BEGAIN: variants seen among roughly 807,000 people sequenced by gnomAD.
BEGAIN encodes the protein brain enriched guanylate kinase associated.
BEGAIN carries 19 observed loss-of-function variants against 35.8 expected under a neutral mutation model. The observed-to-expected ratio is 0.53, with a 90% CI of 0.37 to 0.78. The LOEUF is 0.78. Among genes scored for constraint, BEGAIN ranks in the 30% least tolerant of loss-of-function variants. The probability of loss-of-function intolerance (pLI) is 0.00; values close to 1 mark genes in which losing one functional copy is unlikely to be tolerated. For missense variants in BEGAIN, 795 were observed against 853.6 expected (o/e 0.93, Z 0.85); for synonymous variants, 462 against 388.6 (o/e 1.19, Z -2.22).
intron 1 of BEGAIN, among the ~76,000 whole-genome samples, chr14:100,574,363 C>A (rs532310239): frequency 2.6e-5 from 4 of 152,304 alleles, no homozygotes; most frequent in Admixed American, 1.3e-4. Context: ...GTGACCTGAG[C>A]CCTGGGTCTT....
chr14:100,556,909 C>T (rs2033778103), intron 2 of BEGAIN, among the ~76,000 whole-genome samples: 1 of 152,234 alleles, frequency 6.6e-6, no homozygotes, highest in Non-Finnish European at 1.5e-5. Context: ...CCCCTCTCTG[C>T]AGGTCACAGG....
At position 100,538,027 on chromosome 14, in the gene BEGAIN, C is replaced by T; in HGVS notation, c.1781G>A (p.Gly594Glu). 6.2e-7 allele frequency: 1 copy of T among 1,608,316 alleles called. No homozygotes were observed. The highest frequency in any genetic ancestry group is 8.5e-7 in the Non-Finnish European group (1 of 1,178,456). Residue 594 changes from glycine to glutamate, a missense_variant, in exon 7 of 7, where the codon GGG (glycine) becomes GAG (glutamate). Gly to Glu is a moderately conservative substitution (Grantham distance 98). Around this residue, in one of 3 missense-constraint regions of BEGAIN, gnomAD observed 664 missense variants for 647.7 expected, o/e 1.03. Coordinates refer to ENST00000554140, the MANE Select transcript of BEGAIN (RefSeq NM_001385089.1). ...GGTGAGGCTGTCCTTGCGGCTCAGC[C>T]CCGAGCCACCAGTCCGCGGAAAGGC... The part of the protein sequence containing the change: ...QQAFPRTGGS[G>E]LSRKDSLTKA...
At chr14:100,582,320 T>C (rs1162170723) in intron 1 of BEGAIN, among the ~76,000 whole-genome samples, 1 of 152,090 alleles carries the variant, frequency 6.6e-6, no homozygotes, top group Non-Finnish European at 1.5e-5. Context: ...AATTTTTGTA[T>C]TTTTAGTAGA....
Position 100,538,103 on chromosome 14 carries a change from T to A in BEGAIN, c.1705A>T (p.Met569Leu). The A allele has an allele frequency of 1.3e-6, 2 of 1,576,776 alleles. No individual in the cohort carries two copies. Among genetic ancestry groups the A allele is most frequent in the East Asian group, 4.5e-5 (2 of 44,184 alleles). Residue 569 changes from methionine (M) to leucine (L), a missense_variant, in exon 7 of 7, where the codon ATG (methionine) becomes TTG (leucine). Physicochemically the swap from Met to Leu is conservative, Grantham distance 15. Coordinates refer to ENST00000554140, the MANE Select transcript of BEGAIN (RefSeq NM_001385089.1). ...GSRDSLEPSSMEASPEMHPAA... is the reference protein window; with the variant it reads ...GSRDSLEPSSLEASPEMHPAA... ...GGATGCATTTCCGGGGAGGCCTCCATGGAGCTCGGCTCCAAGGAGTCCCTG... is the reference window on the plus strand; with the variant it reads ...GGATGCATTTCCGGGGAGGCCTCCAAGGAGCTCGGCTCCAAGGAGTCCCTG...
At chr14:100,542,432 C>T (rs2031765304) in intron 5 of BEGAIN, among the ~76,000 whole-genome samples, 1 of 152,218 alleles carries the variant, frequency 6.6e-6, no homozygotes, top group African/African-American at 2.4e-5. Context: ...CTGCATGCTG[C>T]CTGGGCAGTC....
intron 1 of BEGAIN, among the ~76,000 whole-genome samples, chr14:100,575,907 G>T (rs1376045159): frequency 6.6e-6 from 1 of 152,112 alleles, no homozygotes; most frequent in Non-Finnish European, 1.5e-5. Context: ...GTGGCACCAG[G>T]ACTCCCCCAG....
intron 2 of BEGAIN, among the ~76,000 whole-genome samples, chr14:100,559,446 C>G (rs557954604): frequency 6.6e-6 from 1 of 152,228 alleles, no homozygotes; most frequent in Non-Finnish European, 1.5e-5. Flanking sequence ...ACGAGCTCCT[C>G]GTGGGACTCC....
intron 6 of BEGAIN, among the ~76,000 whole-genome samples, chr14:100,539,792 G>T (rs1484814588): frequency 6.6e-6 from 1 of 152,178 alleles, no homozygotes; most frequent in Non-Finnish European, 1.5e-5. Flanking sequence ...TCCTGAAGAA[G>T]ACAGACTCAG....
chr14:100,571,012 G>T (rs1164825130), intron 1 of BEGAIN, among the ~76,000 whole-genome samples: 1 of 152,048 alleles, frequency 6.6e-6, no homozygotes, highest in South Asian at 2.1e-4. Context: ...ACTGTGAAGT[G>T]AGGGGGCGGG....
At chr14:100,556,511 C>A (rs1253634696) in intron 2 of BEGAIN, among the ~76,000 whole-genome samples, 1 of 152,152 alleles carries the variant, frequency 6.6e-6, no homozygotes, top group East Asian at 1.9e-4. Flanking sequence ...CACAGGCTGC[C>A]CCCTGCTCAG....
At chr14:100,577,217 A>AT in intron 1 of BEGAIN, 1 of 398,216 alleles carries the variant, frequency 2.5e-6, no homozygotes, top group Non-Finnish European at 4.4e-6. Context: ...AATATTATAA[A>AT]TGGGGTGTGG....
Position 100,546,834 on chromosome 14 carries a change from G to A in BEGAIN, c.72-172C>T, listed in dbSNP as rs2140530226. On this transcript the variant is annotated intron_variant, in intron 2 of 6. Transcript: ENST00000554140. The stretch of plus-strand genomic sequence containing the variant: ...CACACTCACACACACCCAGCCTCCC[G>A]GGCGTCACTGAAGACCATGGCGCCC... 9.3e-6 allele frequency: 5 copies of A among 535,842 alleles called. No individual in the cohort carries two copies. In the Middle Eastern group the frequency reaches 1.6e-3, roughly 171 times the overall value. 33.2% of individuals were successfully genotyped at this position (535,842 alleles called of 1,614,324 possible). A position where few individuals can be genotyped will look rare whatever the true frequency, so the allele number is the denominator to read the frequency against.
At chr14:100,551,817 A>C (rs1219304397) in intron 2 of BEGAIN, among the ~76,000 whole-genome samples, 1 of 151,998 alleles carries the variant, frequency 6.6e-6, no homozygotes, top group Non-Finnish European at 1.5e-5. Context: ...TGGATTCCTG[A>C]GCTGCTCTGC....
At chr14:100,559,748 G>C (rs1264181495) in intron 2 of BEGAIN, among the ~76,000 whole-genome samples, 1 of 152,210 alleles carries the variant, frequency 6.6e-6, no homozygotes, top group Non-Finnish European at 1.5e-5. Context: ...CACGCCCTGG[G>C]TCTCTCTGGG....
chr14:100,573,601 C>T lies in BEGAIN; in HGVS notation c.43-5662G>A, dbSNP rs924507692. Among the ~76,000 whole-genome samples the T allele has an allele frequency of 4.6e-5, 7 of 151,684 alleles. No individual in the cohort carries two copies. The highest frequency in any genetic ancestry group is 1.7e-4 in the African/African-American group (7 of 41,348). On this transcript the variant is annotated intron_variant, in intron 1 of 6. Coordinates refer to ENST00000554140, the MANE Select transcript of BEGAIN (RefSeq NM_001385089.1). The surrounding 1 kb of genome is among the most constrained non-coding windows in gnomAD (Gnocchi z 4.2). ...GAGGTGGGAGGGATTCTCAGATTCC[C>T]AGGCAGTCTAGAAGCAGACATGGAA...
chr14:100,561,484 C>T (rs996221329), intron 2 of BEGAIN, among the ~76,000 whole-genome samples: 9 of 152,186 alleles, frequency 5.9e-5, no homozygotes, highest in Admixed American at 1.3e-4. Context: ...TGTGGTGGCT[C>T]ATGTCTGTAA....
chr14:100,554,868 C>T (rs1595126402), intron 2 of BEGAIN, among the ~76,000 whole-genome samples: 3 of 152,392 alleles, frequency 2.0e-5, no homozygotes, highest in African/African-American at 7.2e-5. Context: ...GCCCCAGCCT[C>T]GCCATTCCTG....
chr14:100,585,241 C>T (rs796230997), intron 1 of BEGAIN, among the ~76,000 whole-genome samples: 25 of 125,938 alleles, frequency 2.0e-4, no homozygotes, highest in Non-Finnish European at 8.5e-5. Flanking sequence ...CCCTCCCTCC[C>T]TCCCTCCCTC....
chr14:100,559,616 A>T (rs2034059856), intron 2 of BEGAIN, among the ~76,000 whole-genome samples: 1 of 152,214 alleles, frequency 6.6e-6, no homozygotes. Flanking sequence ...CTGCAAACAG[A>T]TGTGGGCAAA....
Sources: allele counts gnomAD v4.1 joint callset (sites outside exome capture counted in the v4.1 genomes callset), GRCh38; gene constraint gnomAD v4.1.1; regional missense constraint gnomAD v4.1.1; non-coding constraint Gnocchi (gnomAD v3.1); transcripts MANE v1.5; gene names NCBI Gene and HGNC (gene_info 2026-07-23, HGNC 2026-07-21).